The following SMYD2 variants were observed in gnomAD, a reference collection of about 807,000 sequenced individuals.
The protein encoded by SMYD2 is SET and MYND domain containing 2, also known as N-lysine methyltransferase SMYD2.
SMYD2 carries 53 observed loss-of-function variants against 59.1 expected under a neutral mutation model. The ratio of observed to expected loss-of-function variants is 0.90; its 90% confidence interval spans 0.72 to 1.13. SMYD2 has a LOEUF of 1.13. SMYD2 is among the 50% of genes most tolerant of loss of function. The pLI is 0.00. For missense variants in SMYD2, 494 were observed against 544.7 expected, an observed-to-expected ratio of 0.91 and a Z score of 0.93; for synonymous variants, 208 against 198.8, an observed-to-expected ratio of 1.05 and a Z score of -0.39.
At chr1:214,293,583 C>T (rs954435453) in intron 1 of SMYD2, among the ~76,000 whole-genome samples, 1 of 152,172 alleles carries the variant, frequency 6.6e-6, no homozygotes, top group Non-Finnish European at 1.5e-5. Flanking sequence ...TAGCTTTCTG[C>T]TCTCAGTTCC....
chr1:214,290,230 G>T (rs1267494552), intron 1 of SMYD2, among the ~76,000 whole-genome samples: 1 of 152,138 alleles, frequency 6.6e-6, no homozygotes, highest in African/African-American at 2.4e-5. Context: ...AGTCTTGAAG[G>T]TTCAGGAAAC....
At chr1:214,327,254 C>T (rs923713849) in intron 6 of SMYD2, among the ~76,000 whole-genome samples, 10 of 152,192 alleles carry the variant, frequency 6.6e-5, no homozygotes, top group South Asian at 2.1e-4. Context: ...AAAGCGACAA[C>T]GCACCTGTGT....
chr1:214,297,173 G>A (rs763694836), intron 1 of SMYD2, among the ~76,000 whole-genome samples: 1 of 152,036 alleles, frequency 6.6e-6, no homozygotes, highest in African/African-American at 2.4e-5. Context: ...AAAAGTCCTA[G>A]TGCCTGGGCC....
chr1:214,294,986 A>G (rs1012057110), intron 1 of SMYD2, among the ~76,000 whole-genome samples: 3 of 152,194 alleles, frequency 2.0e-5, no homozygotes, highest in African/African-American at 7.2e-5. Flanking sequence ...ATCTAATAAT[A>G]TTGGTATTCA....
At chr1:214,287,708 C>T (rs1358880433) in intron 1 of SMYD2, among the ~76,000 whole-genome samples, 1 of 151,352 alleles carries the variant, frequency 6.6e-6, no homozygotes, top group Non-Finnish European at 1.5e-5. Flanking sequence ...TTTTTCAAAA[C>T]CTAATGGAAA....
rs576740270 is a variant in SMYD2 at position 214,293,686 on chromosome 1, C to T, written c.174-11501C>T. Among the ~76,000 whole-genome samples the T allele has an allele frequency of 9.2e-5, 14 of 152,038 alleles. No homozygotes were observed. In the East Asian group the frequency reaches 2.3e-3, roughly 25 times the overall value. ...GCAGGGCAGATTTCCCCAAATAACT[C>T]TTTTTTTGAGATGGAGTTTTGCTCT... On this transcript the variant is annotated intron_variant, in intron 1 of 11. Coordinates refer to ENST00000366957, the MANE Select transcript of SMYD2 (RefSeq NM_020197.3).
Position 214,281,188 on chromosome 1 carries a change from G to C in SMYD2, c.-67G>C. The C allele has an allele frequency of 8.6e-7, 1 of 1,158,804 alleles. No individual in the cohort carries two copies. The highest frequency in any genetic ancestry group is 1.1e-6 in the Non-Finnish European group (1 of 926,632). 71.8% of individuals were successfully genotyped at this position (1,158,804 alleles called of 1,614,324 possible). A position where few individuals can be genotyped will look rare whatever the true frequency, so the allele number is the denominator to read the frequency against. ...CGCCCCCCGCAGCTCTAGGTGACGC[G>C]TCTCCAATAACAGCTCGCCGGGAGC... On this transcript the variant is annotated 5_prime_UTR_variant, in exon 1 of 12. Coordinates refer to ENST00000366957, the MANE Select transcript of SMYD2 (RefSeq NM_020197.3).
chr1:214,285,722 C>T (rs1656527386), intron 1 of SMYD2, among the ~76,000 whole-genome samples: 1 of 152,104 alleles, frequency 6.6e-6, no homozygotes. Flanking sequence ...AACTTAATGA[C>T]AGGGATATGT....
In SMYD2 at chr1:214,318,797, A is replaced by G. The variant is rs1263781616; in HGVS notation, c.410-62A>G. 1.6e-5 allele frequency: 26 copies of G among 1,584,964 alleles called. No homozygotes were observed. The highest frequency in any genetic ancestry group is 3.4e-5 in the South Asian group (3 of 87,226). On this transcript the variant is annotated intron_variant, in intron 4 of 11. Transcript: ENST00000366957. The surrounding 1 kb of genome is among the most constrained non-coding windows in gnomAD (Gnocchi z 5.4). ...TTCCTCTGTATCATTTACAGCAAAA[A>G]TAGGATGTAGCTAGAAATCCCACGC...
At chr1:214,327,540 G>C in intron 6 of SMYD2, 82 bp from the exon 7 acceptor site, 1 of 1,119,198 alleles carries the variant, frequency 8.9e-7, no homozygotes, top group Non-Finnish European at 1.4e-6. Flanking sequence ...CAGTTCCTCT[G>C]ACTTAGCAAG....
chr1:214,304,473 G>A (rs1220824501), intron 1 of SMYD2, among the ~76,000 whole-genome samples: 4 of 145,292 alleles, frequency 2.8e-5, no homozygotes, highest in Admixed American at 7.1e-5. Context: ...GTGGGAGAAC[G>A]GCCTACGCCC....
At chr1:214,308,443 T>G (rs1656948076) in intron 2 of SMYD2, among the ~76,000 whole-genome samples, 1 of 152,062 alleles carries the variant, frequency 6.6e-6, no homozygotes, top group South Asian at 2.1e-4. Flanking sequence ...AGGAAATCAT[T>G]AGGGAGGAAT....
chr1:214,315,563 T>C (rs575979594), intron 3 of SMYD2, among the ~76,000 whole-genome samples: 1 of 151,856 alleles, frequency 6.6e-6, no homozygotes, highest in South Asian at 2.1e-4. Flanking sequence ...GCTCAAAGAG[T>C]GAGGAAGCTG....
chr1:214,303,958 G>A (rs1656871439), intron 1 of SMYD2, among the ~76,000 whole-genome samples: 1 of 152,212 alleles, frequency 6.6e-6, no homozygotes, highest in African/African-American at 2.4e-5. Context: ...TTTACCGATT[G>A]CGCTCTGACT....
rs750064429 is a variant in SMYD2 at position 214,334,240 on chromosome 1, T to C, written c.1153T>C (p.Trp385Arg). 3.1e-6 allele frequency: 5 copies of C among 1,614,034 alleles called. No homozygotes were observed. In the Admixed American group the frequency reaches 8.3e-5, roughly 27 times the overall value. ...GTACTCCCTCAACGTGGCCTCCATG[T>C]GGTTGAAGCTAGGGAGACTCTACAT... ...PLYSLNVASM[W>R]LKLGRLYMGL... The change falls in exon 11 of 12, where the codon TGG (tryptophan) becomes CGG (arginine). Residue 385 changes from tryptophan (W) to arginine (R), a missense_variant. Physicochemically the swap from Trp to Arg is moderately radical, Grantham distance 101. Transcript: ENST00000366957.
chr1:214,323,870 T>C (rs998088788), intron 5 of SMYD2, among the ~76,000 whole-genome samples: 1 of 152,204 alleles, frequency 6.6e-6, no homozygotes, highest in Admixed American at 6.5e-5. Flanking sequence ...GGATAGCAGT[T>C]AGATTAGATG....
chr1:214,306,244 G>A (rs956439911), intron 2 of SMYD2, among the ~76,000 whole-genome samples: 5 of 151,762 alleles, frequency 3.3e-5, no homozygotes, highest in Admixed American at 3.3e-4. Flanking sequence ...CCCATCCCCG[G>A]TCTACTTTGG....
intron 11 of SMYD2, among the ~76,000 whole-genome samples, chr1:214,336,456 C>T (rs1235575995): frequency 2.6e-5 from 4 of 152,162 alleles, no homozygotes; most frequent in Non-Finnish European, 4.4e-5. Context: ...GGCGTGAACC[C>T]GGGATGCGGA....
rs1337233940 is a variant in SMYD2, at chr1:214,312,741, G to A, written c.238-2021G>A. 6.6e-6 allele frequency among the ~76,000 whole-genome samples: 1 copy of A among 152,196 alleles called. No homozygotes were observed. The highest frequency in any genetic ancestry group is 2.4e-5 in the African/African-American group (1 of 41,446). ...GGTGAGAGTACGGTGGGGGATGATG[G>A]GCTGGGGTGGTGCAGGGACGCTCCC... On this transcript the variant is annotated intron_variant, in intron 2 of 11. Coordinates refer to ENST00000366957, the MANE Select transcript of SMYD2 (RefSeq NM_020197.3). This position sits in a 1 kb window ranked among gnomAD's most constrained non-coding sequence, Gnocchi z 4.1.
Sources: gnomAD v4.1 joint callset for allele counts (sites outside exome capture counted in the v4.1 genomes callset) on GRCh38, gnomAD v4.1.1 for gene constraint, Gnocchi (gnomAD v3.1) non-coding constraint, MANE v1.5 for transcripts, NCBI Gene and HGNC (gene_info 2026-07-23, HGNC 2026-07-21) for gene names.